SLMAP: variants seen among roughly 807,000 people sequenced by gnomAD.
SLMAP encodes sarcolemma associated protein.
Under a neutral mutation model 128.8 loss-of-function variants are expected in SLMAP, and 44 were observed. The ratio of observed to expected loss-of-function variants is 0.34; its 90% CI spans 0.27 to 0.44. SLMAP has a LOEUF of 0.44. Among genes scored for constraint, SLMAP ranks in the 20% least tolerant of loss-of-function variants. SLMAP has a pLI of 1.00. For synonymous variants in SLMAP, 327 were observed against 348.8 expected (o/e 0.94, Z 0.70); for missense variants, 787 against 985.3 (o/e 0.80, Z 2.69).
chr3:57,781,015 C>CAT (rs1395927557), intron 2 of SLMAP, among the ~76,000 whole-genome samples: 3 of 149,884 alleles, frequency 2.0e-5, no homozygotes, highest in Non-Finnish European at 4.5e-5. Context: ...TATATATATA[C>CAT]ATATATATAC....
intron 2 of SLMAP, among the ~76,000 whole-genome samples, chr3:57,758,205 C>T (rs1035260590): frequency 6.6e-6 from 1 of 152,164 alleles, no homozygotes; most frequent in African/African-American, 2.4e-5. Context: ...CAGCAGTTCT[C>T]GAAGCAATTC....
intron 2 of SLMAP, among the ~76,000 whole-genome samples, chr3:57,823,469 G>T (rs2092687901): frequency 6.6e-6 from 1 of 152,008 alleles, no homozygotes; most frequent in Non-Finnish European, 1.5e-5. Flanking sequence ...AACATGTGGT[G>T]TTTGGTTTTT....
chr3:57,777,352 A>AT (rs2082147424), intron 2 of SLMAP, among the ~76,000 whole-genome samples: 1 of 151,578 alleles, frequency 6.6e-6, no homozygotes, highest in African/African-American at 2.4e-5. Context: ...GGAGGCTATA[A>AT]TAATTTACAG....
At chr3:57,910,821 T>C (rs983033979) in intron 19 of SLMAP, among the ~76,000 whole-genome samples, 39 of 152,152 alleles carry the variant, frequency 2.6e-4, no homozygotes, top group Non-Finnish European at 2.2e-4. Flanking sequence ...AGAAATTAAA[T>C]AGACAAGTAA....
chr3:57,804,333 G>A (rs561683424), intron 2 of SLMAP, among the ~76,000 whole-genome samples: 1 of 152,320 alleles, frequency 6.6e-6, no homozygotes, highest in East Asian at 1.9e-4. Context: ...ACTGTCAGTA[G>A]TTGAGTTTAC....
chr3:57,767,033 C>T (rs188370773), intron 2 of SLMAP, among the ~76,000 whole-genome samples: 5 of 152,192 alleles, frequency 3.3e-5, no homozygotes, highest in Admixed American at 3.3e-4. Flanking sequence ...GTTCTCCTGC[C>T]TCAGCCTCTC....
At position 57,864,722 on chromosome 3, in the gene SLMAP, T is replaced by G; in HGVS notation, c.1135+6T>G. The G allele has an allele frequency of 6.3e-7, 1 of 1,583,510 alleles. No homozygotes were observed. Among genetic ancestry groups the G allele is most frequent in the South Asian group, 1.2e-5 (1 of 84,162 alleles). Reference sequence around the variant, plus strand: ...AAGGCTAACAGCTTTACAAGGTAAGTAGCTAATCCAGAAATTGATTTTATT... The same window carrying G: ...AAGGCTAACAGCTTTACAAGGTAAGGAGCTAATCCAGAAATTGATTTTATT... On this transcript the variant is annotated splice_donor_region_variant and intron_variant, in intron 11 of 24. Transcript: ENST00000671191.
intron 2 of SLMAP, among the ~76,000 whole-genome samples, chr3:57,759,521 C>T (rs1314105657): frequency 6.6e-6 from 1 of 152,214 alleles, no homozygotes; most frequent in Non-Finnish European, 1.5e-5. Context: ...GTTGATCCAC[C>T]TGCCTCAACC....
intron 21 of SLMAP, 88 bp from the exon 22 acceptor site, chr3:57,916,818 C>T: frequency 2.0e-6 from 2 of 993,266 alleles, no homozygotes; most frequent in South Asian, 1.6e-5. Context: ...CCACTCTATC[C>T]CTTCTAGTGA....
At chr3:57,849,996 A>T (rs968746166) in intron 6 of SLMAP, among the ~76,000 whole-genome samples, 180 bp downstream of exon 6, 4 of 152,114 alleles carry the variant, frequency 2.6e-5, no homozygotes, top group Admixed American at 1.3e-4. Flanking sequence ...CAATAAAGTG[A>T]GACCCCTTTA....
At chr3:57,772,819 TAGTAG>T (rs2081150247) in intron 2 of SLMAP, among the ~76,000 whole-genome samples, 1 of 152,058 alleles carries the variant, frequency 6.6e-6, no homozygotes. Flanking sequence ...TTTGTATTTT[TAGTAG>T]AGACAGGGTT....
intron 14 of SLMAP, among the ~76,000 whole-genome samples, chr3:57,873,582 C>G (rs1413093405): frequency 6.6e-6 from 1 of 152,152 alleles, no homozygotes. Context: ...TTGTTACCTT[C>G]TGATTACTAA....
intron 24 of SLMAP, 91 bp from the exon 25 acceptor site, chr3:57,927,205 A>T: frequency 1.6e-6 from 1 of 611,294 alleles, no homozygotes; most frequent in Non-Finnish European, 2.8e-6. Flanking sequence ...ATATTCTGTT[A>T]AGTATTCAGG....
At chr3:57,886,450 T>C (rs985654632) in intron 14 of SLMAP, among the ~76,000 whole-genome samples, 2 of 152,126 alleles carry the variant, frequency 1.3e-5, no homozygotes, top group African/African-American at 4.8e-5. Flanking sequence ...AAGATGGTAT[T>C]TTTTAAAGGA....
rs1043532001 is a variant in SLMAP at position 57,757,639 on chromosome 3, C to A, written c.-13C>A. 3 of 1,612,806 alleles carry A rather than the reference C, an allele frequency of 1.9e-6. No individual in the cohort carries two copies. Among genetic ancestry groups the A allele is most frequent in the Admixed American group, 1.7e-5 (1 of 59,998 alleles). Reference sequence around the variant, plus strand: ...TTGTCCCTGGTAGGAGAGACACCCCCAGTCTATCCTCGATGCCGTCAGCCT... The same window carrying A: ...TTGTCCCTGGTAGGAGAGACACCCCAAGTCTATCCTCGATGCCGTCAGCCT... On this transcript the variant is annotated 5_prime_UTR_variant, in exon 2 of 25. Coordinates refer to ENST00000671191, the MANE Select transcript of SLMAP (RefSeq NM_001377540.1).
chr3:57,869,638 A>ATATATATAT (rs1553900320), intron 13 of SLMAP, among the ~76,000 whole-genome samples: 6 of 126,360 alleles, frequency 4.7e-5, no homozygotes, highest in African/African-American at 9.6e-5. Context: ...TATTATATAT[A>ATATATATAT]TATATATATA....
intron 4 of SLMAP, among the ~76,000 whole-genome samples, chr3:57,844,866 C>T (rs1437515645): frequency 6.6e-6 from 1 of 151,956 alleles, no homozygotes; most frequent in African/African-American, 2.4e-5. Context: ...AGGTGCCCTC[C>T]ACTACACCCG....
In SLMAP at chr3:57,923,327, A is replaced by G. The variant is rs144923883; in HGVS notation, c.2445+304A>G. 2.2e-3 allele frequency among the ~76,000 whole-genome samples: 330 copies of G among 152,322 alleles called. 1 individual carries two copies. Among genetic ancestry groups the G allele is most frequent in the African/African-American group, 7.7e-3 (320 of 41,580 alleles). ...GAGTCTGAAGCTCTGTCACTAAGCT[A>G]TCATCTGGCTCTTGTTTCTCCCCTG... is the stretch of plus-strand genomic sequence containing the variant. On this transcript the variant is annotated intron_variant, in intron 23 of 24. Coordinates refer to ENST00000671191, the MANE Select transcript of SLMAP (RefSeq NM_001377540.1).
At chr3:57,775,346 CTT>C (rs1394074669) in intron 2 of SLMAP, among the ~76,000 whole-genome samples, 1 of 151,584 alleles carries the variant, frequency 6.6e-6, no homozygotes, top group Non-Finnish European at 1.5e-5. Flanking sequence ...CCGGCGAAAA[CTT>C]TGTATTTTTC....
Sources: allele counts gnomAD v4.1 joint callset (sites outside exome capture counted in the v4.1 genomes callset), GRCh38; gene constraint gnomAD v4.1.1; transcripts MANE v1.5; gene names NCBI Gene and HGNC (gene_info 2026-07-23, HGNC 2026-07-21).